LARS2: variants seen among roughly 807,000 people sequenced by gnomAD.
LARS2 encodes leucine--tRNA ligase, mitochondrial.
A neutral mutation model predicts 116.6 loss-of-function variants in LARS2; 81 were observed. The ratio of observed to expected loss-of-function variants is 0.69; its 90% CI spans 0.58 to 0.84. LARS2 has a LOEUF of 0.84. Ranked by LOEUF, LARS2 falls within the 40% of genes least tolerant of loss-of-function variation. The probability of loss-of-function intolerance (pLI) is 0.00; values close to 1 mark genes in which losing one functional copy is unlikely to be tolerated. For synonymous variants in LARS2, 396 were observed against 407.2 expected (o/e 0.97, Z 0.33); for missense variants, 968 against 1,114.5 (o/e 0.87, Z 1.87).
intron 21 of LARS2, among the ~76,000 whole-genome samples, chr3:45,544,233 T>TACC (rs1356438844): frequency 6.6e-6 from 1 of 152,258 alleles, no homozygotes; most frequent in Non-Finnish European, 1.5e-5. Context: ...AGACAAGAGC[T>TACC]ACCGCCTTGT....
intron 6 of LARS2, among the ~76,000 whole-genome samples, chr3:45,439,053 C>T (rs1039401000): frequency 2.0e-5 from 3 of 152,172 alleles, no homozygotes; most frequent in Non-Finnish European, 4.4e-5. Context: ...TTAGTAGCAT[C>T]TAAGTGAGAA....
rs879255606 is a variant in LARS2 at position 45,491,566 on chromosome 3, C to G, written c.1289C>G (p.Ala430Gly). 1 of 1,614,056 alleles carries G rather than the reference C, an allele frequency of 6.2e-7. No individual in the cohort carries two copies. Among genetic ancestry groups the G allele is most frequent in the African/African-American group, 1.3e-5 (1 of 74,926 alleles). The change falls in exon 13 of 22, where the codon GCC (alanine) becomes GGC (glycine). Residue 430 changes from alanine (A) to glycine (G), a missense_variant. Ala to Gly is a moderately conservative substitution (Grantham distance 60). Transcript: ENST00000645846. ...GCTTTTCTAGCCCTGACTCAGAAAG[C>G]CCGGGGGAAGAGAGTGGGTGGAGAC... ...QDAFLALTQKARGKRVGGDVT... is the reference protein window; with the variant it reads ...QDAFLALTQKGRGKRVGGDVT...
chr3:45,460,319 G>A (rs1699294456), intron 8 of LARS2, among the ~76,000 whole-genome samples: 1 of 152,238 alleles, frequency 6.6e-6, no homozygotes, highest in African/African-American at 2.4e-5. Flanking sequence ...ACCCCAAGCA[G>A]TGGGAGCCCC....
Position 45,516,170 on chromosome 3 carries a change from C to T in LARS2, c.1938C>T (p.Asn646=), listed in dbSNP as rs138012553. 222 of 1,614,096 alleles carry T rather than the reference C, an allele frequency of 1.4e-4. No individual in the cohort carries two copies. Among genetic ancestry groups the T allele is most frequent in the Middle Eastern group, 1.2e-3 (7 of 6,062 alleles). The change falls in exon 17 of 22, where the codon AAC becomes AAT. Residue 646 remains asparagine, a synonymous_variant. Transcript: ENST00000645846. The part of the protein sequence containing the change: ...TWEKMSKSKH[N]GVDPEEVVEQ... Reference sequence around the variant, plus strand: ...AGAAGATGAGTAAGTCCAAACACAACGGGGTGGACCCAGAGGAAGTTGTGG... The same window carrying T: ...AGAAGATGAGTAAGTCCAAACACAATGGGGTGGACCCAGAGGAAGTTGTGG...
chr3:45,479,233 T>C (rs546400783), intron 10 of LARS2, among the ~76,000 whole-genome samples: 1 of 152,296 alleles, frequency 6.6e-6, no homozygotes, highest in South Asian at 2.1e-4. Flanking sequence ...GCTTTGTAAG[T>C]TTAGCCTTCC....
At position 45,516,123 on chromosome 3, in the gene LARS2, G is replaced by A; in HGVS notation, c.1891G>A (p.Glu631Lys). The A allele has an allele frequency of 6.2e-7, 1 of 1,614,130 alleles. No homozygotes were observed. The highest frequency in any genetic ancestry group is 8.5e-7 in the Non-Finnish European group (1 of 1,180,006). ...GSVPVHAKTK[E>K]KLEVTWEKMS... ...CGTTCCTGTTCATGCAAAAACGAAA[G>A]AGAAGTTAGAGGTGACGTGGGAGAA... Residue 631 changes from glutamate (E) to lysine (K), a missense_variant, in exon 17 of 22, where the codon GAG (glutamate) becomes AAG (lysine). Glu to Lys is a moderately conservative substitution (Grantham distance 56, BLOSUM62 1). Coordinates refer to ENST00000645846, the MANE Select transcript of LARS2 (RefSeq NM_015340.4).
intron 20 of LARS2, among the ~76,000 whole-genome samples, chr3:45,540,180 A>T (rs1700769255): frequency 6.6e-6 from 1 of 151,922 alleles, no homozygotes; most frequent in African/African-American, 2.4e-5. Context: ...AATCGCTTGA[A>T]CCTGGGAGGC....
At chr3:45,493,174 A>G (rs1699952903) in intron 13 of LARS2, among the ~76,000 whole-genome samples, 1 of 151,554 alleles carries the variant, frequency 6.6e-6, no homozygotes, top group Admixed American at 6.6e-5. Context: ...ATCTCGGCTC[A>G]CTGCCAGCTC....
At chr3:45,458,979 G>T (rs1699264230) in intron 8 of LARS2, 93 bp downstream of exon 8, 1 of 1,338,278 alleles carries the variant, frequency 7.5e-7, no homozygotes, top group South Asian at 1.2e-5. Context: ...CACTGTTGGG[G>T]TTGAGCTCTA....
intron 13 of LARS2, among the ~76,000 whole-genome samples, chr3:45,493,739 T>A (rs987846717): frequency 6.6e-6 from 1 of 152,086 alleles, no homozygotes; most frequent in Non-Finnish European, 1.5e-5. Flanking sequence ...ATCTATCACT[T>A]CTATCCCTCC....
chr3:45,483,798 C>T (rs555369501), intron 10 of LARS2, among the ~76,000 whole-genome samples: 1 of 152,296 alleles, frequency 6.6e-6, no homozygotes, highest in East Asian at 1.9e-4. Context: ...ATTGGGGCTG[C>T]ATTTCACTGT....
At position 45,516,098 on chromosome 3, in the gene LARS2, C is replaced by T. The variant is rs765622164; in HGVS notation, c.1866C>T (p.Ser622=). Residue 622 remains serine, a synonymous_variant, in exon 17 of 22, where the codon TCC becomes TCT. Coordinates refer to ENST00000645846, the MANE Select transcript of LARS2 (RefSeq NM_015340.4). ...LQREEVDLTG[S]VPVHAKTKEK... ...ATGGATTATTTTGGCATCTAGGTTCCGTTCCTGTTCATGCAAAAACGAAAG... is the reference window on the plus strand; with the variant it reads ...ATGGATTATTTTGGCATCTAGGTTCTGTTCCTGTTCATGCAAAAACGAAAG... 1.5e-5 allele frequency: 24 copies of T among 1,613,548 alleles called. 1 individual carries two copies. In the Admixed American group the frequency reaches 1.7e-4, roughly 11 times the overall value.
At chr3:45,487,633 T>G (rs2125729064) in intron 11 of LARS2, among the ~76,000 whole-genome samples, 1 of 152,246 alleles carries the variant, frequency 6.6e-6, no homozygotes, top group South Asian at 2.1e-4. Flanking sequence ...GGAAACATTT[T>G]TGTTTGTCAC....
At chr3:45,395,237 G>C (rs1698025087) in intron 3 of LARS2, among the ~76,000 whole-genome samples, 1 of 152,218 alleles carries the variant, frequency 6.6e-6, no homozygotes, top group South Asian at 2.1e-4. Context: ...TAGCATCATG[G>C]TTTGGGGCAC....
chr3:45,409,659 T>C (rs1698295678), intron 4 of LARS2, among the ~76,000 whole-genome samples: 1 of 152,166 alleles, frequency 6.6e-6, no homozygotes, highest in Non-Finnish European at 1.5e-5. Flanking sequence ...TTGCGCTTGG[T>C]CACTGGGCTC....
At chr3:45,487,787 A>AC (rs397734554) in intron 11 of LARS2, among the ~76,000 whole-genome samples, 1 of 150,590 alleles carries the variant, frequency 6.6e-6, no homozygotes, top group African/African-American at 2.4e-5. Flanking sequence ...AGAAAAAAAA[A>AC]CCCATTCTTA....
chr3:45,390,368 A>G (rs1482289585), intron 1 of LARS2, among the ~76,000 whole-genome samples: 1 of 151,824 alleles, frequency 6.6e-6, no homozygotes, highest in African/African-American at 2.4e-5. Context: ...GCTGGAGTGC[A>G]GTGGTGCAGC....
intron 2 of LARS2, among the ~76,000 whole-genome samples, chr3:45,391,858 T>G (rs1032524619): frequency 4.6e-5 from 7 of 152,232 alleles, no homozygotes; most frequent in African/African-American, 1.7e-4. Flanking sequence ...CTTATTCTTG[T>G]TGTGTAGACA....
chr3:45,449,204 C>G (rs1333221973), intron 7 of LARS2, among the ~76,000 whole-genome samples: 1 of 145,958 alleles, frequency 6.9e-6, no homozygotes, highest in African/African-American at 2.5e-5. Context: ...CTCTTGTTGC[C>G]CAGGTTGGAG....
Sources: allele counts gnomAD v4.1 joint callset (sites outside exome capture counted in the v4.1 genomes callset), GRCh38; gene constraint gnomAD v4.1.1; transcripts MANE v1.5; gene names NCBI Gene and HGNC (gene_info 2026-07-23, HGNC 2026-07-21).